NAALADL1: variants seen among roughly 807,000 people sequenced by gnomAD.
NAALADL1 encodes aminopeptidase NAALADL1.
A neutral mutation model predicts 82.8 loss-of-function variants in NAALADL1; 77 were observed. The ratio of observed to expected loss-of-function variants is 0.93; its 90% CI spans 0.77 to 1.12. The LOEUF is 1.12. Ranked by LOEUF, NAALADL1 falls within the 50% of genes most tolerant of loss-of-function variation. The pLI is 0.00. For missense variants in NAALADL1, 956 were observed against 964.0 expected, an observed-to-expected ratio of 0.99 and a Z score of 0.11; for synonymous variants, 358 against 399.2, an observed-to-expected ratio of 0.90 and a Z score of 1.23.
chr11:65,047,621 G>A (rs1362124718), intron 12 of NAALADL1, 26 bp downstream of exon 12: 4 of 1,588,324 alleles, frequency 2.5e-6, no homozygotes, highest in Non-Finnish European at 3.4e-6. Flanking sequence ...GCCTCGCTCC[G>A]GGCCCCCTTC....
upstream of NAALADL1, among the ~76,000 whole-genome samples, chr11:65,058,771 A>G (rs1036560084): frequency 6.6e-6 from 1 of 152,172 alleles, no homozygotes; most frequent in Non-Finnish European, 1.5e-5. Context: ...CCGAGAGGGA[A>G]GGGGCTCATC....
Position 65,053,508 on chromosome 11 carries a change from C to T in NAALADL1, c.1061G>A (p.Arg354His), listed in dbSNP as rs763580973. ...GGGCTCACCAGGCTCCACAGCCCCA[C>T]GGATGATGCCCAGGACGTTGGAAGA... ...RNSSNVLGII[R>H]GAVEPDRYVL... Residue 354 changes from arginine (R) to histidine (H), a missense_variant, in exon 7 of 18, where the codon CGT becomes CAT. Coordinates refer to ENST00000358658, the MANE Select transcript of NAALADL1 (RefSeq NM_005468.3). This position sits in a 1 kb window ranked among gnomAD's most constrained non-coding sequence, Gnocchi z 4.3. 29 of 1,613,634 alleles carry T rather than the reference C, an allele frequency of 1.8e-5. No homozygotes were observed. The highest frequency in any genetic ancestry group is 1.6e-4 in the Middle Eastern group (1 of 6,084).
chr11:65,054,316 C>T lies in NAALADL1; in HGVS notation c.926G>A (p.Gly309Glu), dbSNP rs371781219. The change falls in exon 6 of 18, where the codon GGA (glycine) becomes GAA (glutamate). Residue 309 changes from glycine (G) to glutamate (E), a missense_variant. Transcript: ENST00000358658. The surrounding 1 kb of genome is among the most constrained non-coding windows in gnomAD (Gnocchi z 4.3). ...NGTLAPATWQ[G>E]ALGCHYRLGP... is the part of the protein sequence containing the mutation. The stretch of plus-strand genomic sequence containing the variant: ...CAACCTGTAGTGGCAGCCCAGTGCT[C>T]CCTGCCAGGTGGCTGGGGCCAAAGT... 3 of 1,613,950 alleles carry T rather than the reference C, an allele frequency of 1.9e-6. No homozygotes were observed. Among genetic ancestry groups the T allele is most frequent in the Non-Finnish European group, 2.5e-6 (3 of 1,180,014 alleles).
At position 65,045,407 on chromosome 11, in the gene NAALADL1, A is replaced by G. The variant is rs1378247819; in HGVS notation, c.2087T>C (p.Leu696Pro). Residue 696 changes from leucine (L) to proline (P), a missense_variant, in exon 18 of 18, where the codon CTA (leucine) becomes CCA (proline). Coordinates refer to ENST00000358658, the MANE Select transcript of NAALADL1 (RefSeq NM_005468.3). Reference protein sequence around the residue: ...RTGSVVTFPGLSNACSRARDT... With the variant: ...RTGSVVTFPGPSNACSRARDT... ...CCTGGCCCTGGAGCAGGCATTGGAT[A>G]GGCCCGGGAATGTGACTACGGAGCC... is the stretch of plus-strand genomic sequence containing the variant. 6.2e-7 allele frequency: 1 copy of G among 1,613,144 alleles called. No homozygotes were observed. Among genetic ancestry groups the G allele is most frequent in the Non-Finnish European group, 8.5e-7 (1 of 1,179,782 alleles).
chr11:65,047,714 G>C lies in NAALADL1; in HGVS notation c.1441C>G (p.Leu481Val). ...CGGATCCAGTTGTCGTAGATGCTCA[G>C]GTCGCCAGGGCCTGGTGAGCGGATC... is the stretch of plus-strand genomic sequence containing the variant. ...KEIRSPGPGD[L>V]SIYDNWIRYF... The change falls in exon 12 of 18, where the codon CTG becomes GTG. Residue 481 changes from leucine (L) to valine (V), a missense_variant. Physicochemically the swap from Leu to Val is conservative, Grantham distance 32. Transcript: ENST00000358658. 12 of 1,606,252 alleles carry C rather than the reference G, an allele frequency of 7.5e-6. No homozygotes were observed. The highest frequency in any genetic ancestry group is 1.0e-5 in the Non-Finnish European group (12 of 1,177,302).
chr11:65,055,322 A>G (rs143557293), intron 4 of NAALADL1, among the ~76,000 whole-genome samples: 4,189 of 152,248 alleles, frequency 0.028, 86 homozygotes, highest in African/African-American at 0.05. Flanking sequence ...CTGTAGTCCC[A>G]GCTATTTGGG....
At chr11:65,057,553 G>C in intron 3 of NAALADL1, 60 bp from the exon 4 acceptor site, 1 of 1,564,114 alleles carries the variant, frequency 6.4e-7, no homozygotes. Context: ...GTGGGGAAGG[G>C]GGGTGGAAGT....
intron 8 of NAALADL1, among the ~76,000 whole-genome samples, chr11:65,052,625 C>T (rs186068187): frequency 5.0e-4 from 76 of 152,280 alleles, no homozygotes; most frequent in Admixed American, 4.1e-3. Flanking sequence ...AGCCGTTTAA[C>T]ATGAGGACTC....
chr11:65,045,281 G>A lies in NAALADL1; in HGVS notation c.2213C>T (p.Ala738Val). Residue 738 changes from alanine to valine, a missense_variant, in exon 18 of 18, where the codon GCT becomes GTT. Transcript: ENST00000358658. ...GAAAGAGGGCTGGGGTCAGAGGTCA[G>A]CCACAGGCCTCAGGGTGGCTGCCGC... ...EGAAATLRPV[A>V]DL The A allele has an allele frequency of 6.2e-7, 1 of 1,605,710 alleles. No homozygotes were observed. Among genetic ancestry groups the A allele is most frequent in the African/African-American group, 1.3e-5 (1 of 74,894 alleles).
upstream of NAALADL1, among the ~76,000 whole-genome samples, chr11:65,060,728 G>A (rs374394389): frequency 2.6e-5 from 4 of 152,172 alleles, no homozygotes; most frequent in Non-Finnish European, 5.9e-5. Flanking sequence ...GGCACCAGAC[G>A]TTAACTTAGT....
chr11:65,047,908 C>G, intron 11 of NAALADL1, 73 bp downstream of exon 11: 1 of 1,298,124 alleles, frequency 7.7e-7, no homozygotes, highest in Non-Finnish European at 1.1e-6. Context: ...GCCCCGCCCA[C>G]CCGTAGCGGC....
In NAALADL1 at chr11:65,046,508, TC is replaced by T; in HGVS notation, c.1617del (p.Ile540SerfsTer36). 1 of 1,614,134 alleles carries T rather than the reference TC, an allele frequency of 6.2e-7. No homozygotes were observed. The highest frequency in any genetic ancestry group is 8.5e-7 in the Non-Finnish European group (1 of 1,180,014). On this transcript the variant is annotated frameshift_variant, in exon 14 of 18. Coordinates refer to ENST00000358658, the MANE Select transcript of NAALADL1 (RefSeq NM_005468.3). LOFTEE classifies it high-confidence loss of function. ...YTYDRSKTSA[R>X]IYPTYHTAFD... ...AAGGCTGTGTGGTAGGTGGGGTAGA[TC>T]CTGGCTGAAGTCTTGCTCTGGGGGA...
At chr11:65,047,400 T>G (rs1946758747) in intron 13 of NAALADL1, 75 bp downstream of exon 13, 35 of 1,320,884 alleles carry the variant, frequency 2.6e-5, no homozygotes, top group African/African-American at 4.4e-5. Flanking sequence ...TCAGTCTGTA[T>G]GAGAACAGCC....
At position 65,058,369 on chromosome 11, in the gene NAALADL1, C is replaced by T. The variant is rs777212895; in HGVS notation, c.153G>A (p.Gln51=). Residue 51 remains glutamine, a synonymous_variant, in exon 1 of 18, where the codon CAG becomes CAA. Transcript: ENST00000358658. ...DLEILETVMG[Q]LDAHRIRENL... ...TCTCCCGGATCCTGTGGGCATCCAG[C>T]TGCCCCATGACGGTCTCCAGGATCT... 1.2e-6 allele frequency: 2 copies of T among 1,614,200 alleles called. No homozygotes were observed. Among genetic ancestry groups the T allele is most frequent in the South Asian group, 2.2e-5 (2 of 91,086 alleles).
Position 65,044,934 on chromosome 11 carries a change from C to A in NAALADL1, c.*337G>T. 1 of 670,460 alleles carries A rather than the reference C, an allele frequency of 1.5e-6. No individual in the cohort carries two copies. Among genetic ancestry groups the A allele is most frequent in the Non-Finnish European group, 2.5e-6 (1 of 404,266 alleles). The allele number at this position is 670,460 out of a possible 1,614,324, so 41.5% of individuals were successfully genotyped here. On this transcript the variant is annotated 3_prime_UTR_variant, in exon 18 of 18. Transcript: ENST00000358658. The surrounding 1 kb of genome is among the most constrained non-coding windows in gnomAD (Gnocchi z 4.0). ...AGCCAAGGCCTAAGGTACCCCAAGACTCACTTTCGCCACTGGTCCTTGGCC... is the reference window on the plus strand; with the variant it reads ...AGCCAAGGCCTAAGGTACCCCAAGAATCACTTTCGCCACTGGTCCTTGGCC...
Position 65,046,416 on chromosome 11 carries a change from C to A in NAALADL1, c.1681+29G>T, listed in dbSNP as rs200034984. ...AGTCTTCAGCCTCTCCTGTCCTGGT[C>A]TCAGGATGCCCCTTGTCTCCCTCCT... On this transcript the variant is annotated intron_variant, in intron 14 of 17. Transcript: ENST00000358658. The A allele has an allele frequency of 1.1e-5, 18 of 1,614,168 alleles. No homozygotes were observed. In the African/African-American group the frequency reaches 2.1e-4, roughly 19 times the overall value.
intron 9 of NAALADL1, 31 bp from the exon 10 acceptor site, chr11:65,048,246 C>T (rs753171977): frequency 6.2e-7 from 1 of 1,614,096 alleles, no homozygotes. Context: ...GTCAGCCCCG[C>T]GCCGTTCTGT....
intron 8 of NAALADL1, among the ~76,000 whole-genome samples, chr11:65,051,674 G>A (rs116448925): frequency 3.3e-5 from 5 of 151,996 alleles, no homozygotes; most frequent in Non-Finnish European, 7.4e-5. Context: ...TCATACAAGG[G>A]GGGGGATGGA....
At chr11:65,060,740 A>G (rs1235562532), upstream of NAALADL1, among the ~76,000 whole-genome samples, 2 of 152,064 alleles carry the variant, frequency 1.3e-5, no homozygotes, top group Non-Finnish European at 2.9e-5. Context: ...TAACTTAGTC[A>G]ATTTTCTTTC....
Sources: allele counts gnomAD v4.1 joint callset (sites outside exome capture counted in the v4.1 genomes callset), GRCh38; gene constraint gnomAD v4.1.1; non-coding constraint Gnocchi (gnomAD v3.1); transcripts MANE v1.5; gene names NCBI Gene and HGNC (gene_info 2026-07-23, HGNC 2026-07-21).